Variants in ZFHX3 observed in about 807,000 individuals in gnomAD.
ZFHX3 encodes the protein zinc finger homeobox protein 3.
ZFHX3 carries 42 observed loss-of-function variants against 279.1 expected under a neutral mutation model. The observed-to-expected ratio is 0.15, with a 90% CI of 0.12 to 0.19. The LOEUF (loss-of-function observed/expected upper bound fraction) is 0.19, where lower values mean the gene tolerates loss of function less well. Ranked by LOEUF, ZFHX3 falls within the 10% of genes least tolerant of loss-of-function variation. The pLI is 1.00. For missense variants in ZFHX3, 4,981 were observed against 4,754.0 expected (o/e 1.05, Z -1.40); for synonymous variants, 2,293 against 1,957.8 (o/e 1.17, Z -4.52).
chr16:72,999,677 C>T (rs185174294), intron 1 of ZFHX3, among the ~76,000 whole-genome samples: 5 of 152,314 alleles, frequency 3.3e-5, no homozygotes, highest in South Asian at 2.1e-4. Context: ...CTATTGGGCA[C>T]GATACAAGTC....
At chr16:73,414,792 C>A (rs772814732) in intron 3 of ZFHX3, among the ~76,000 whole-genome samples, 1 of 152,138 alleles carries the variant, frequency 6.6e-6, no homozygotes, top group African/African-American at 2.4e-5. Context: ...GCTGTGATTG[C>A]GCCACCGCAC....
chr16:73,857,362 T>C (rs1034529172), intron 1 of ZFHX3, among the ~76,000 whole-genome samples: 9 of 152,180 alleles, frequency 5.9e-5, no homozygotes, highest in African/African-American at 2.2e-4. Context: ...TTTCCCTAAG[T>C]ATGTTTATCA....
intron 1 of ZFHX3, among the ~76,000 whole-genome samples, chr16:73,696,493 A>G (rs753027776): frequency 9.9e-5 from 15 of 152,240 alleles, no homozygotes; most frequent in Non-Finnish European, 2.1e-4. Flanking sequence ...ATTCTGAACC[A>G]AAGAGCCATA....
intron 3 of ZFHX3, among the ~76,000 whole-genome samples, chr16:73,325,926 C>A (rs112396824): frequency 4.7e-4 from 37 of 78,308 alleles, no homozygotes; most frequent in African/African-American, 1.2e-3. Context: ...CACACACACA[C>A]AAACACACAC....
At chr16:72,803,177 C>A (rs1236727660) in intron 7 of ZFHX3, among the ~76,000 whole-genome samples, 1 of 152,088 alleles carries the variant, frequency 6.6e-6, no homozygotes, top group African/African-American at 2.4e-5. Flanking sequence ...ACTATAAATA[C>A]AAAAATTAGC....
chr16:73,041,006 A>T (rs546039967), intron 1 of ZFHX3, among the ~76,000 whole-genome samples: 1 of 152,246 alleles, frequency 6.6e-6, no homozygotes, highest in Non-Finnish European at 1.5e-5. Context: ...CAGAGGAAAG[A>T]GCAGAGGCCA....
chr16:72,857,169 G>T (rs1023265170), intron 4 of ZFHX3, among the ~76,000 whole-genome samples: 4 of 152,202 alleles, frequency 2.6e-5, no homozygotes, highest in Admixed American at 2.6e-4. Flanking sequence ...CTCATACATT[G>T]CCTAGCACTG....
At chr16:73,072,164 A>G (rs549145229) in intron 8 of ZFHX3, among the ~76,000 whole-genome samples, 2 of 152,336 alleles carry the variant, frequency 1.3e-5, no homozygotes, top group East Asian at 1.9e-4. Flanking sequence ...AAAATCAGAA[A>G]TGTAGGCCAG....
intron 4 of ZFHX3, among the ~76,000 whole-genome samples, chr16:73,317,734 C>T (rs1045586453): frequency 2.0e-5 from 3 of 152,140 alleles, no homozygotes; most frequent in Non-Finnish European, 2.9e-5. Flanking sequence ...ATCAAATACT[C>T]ATCAAACGGC....
chr16:73,325,928 A>ACAAAAACACAC (rs1567451240), intron 3 of ZFHX3, among the ~76,000 whole-genome samples: 1,643 of 145,512 alleles, frequency 0.011, 17 homozygotes, highest in East Asian at 0.019. Flanking sequence ...CACACACACA[A>ACAAAAACACAC]ACACACACAC....
At chr16:73,128,004 A>G (rs1966601759) in intron 7 of ZFHX3, among the ~76,000 whole-genome samples, 1 of 152,176 alleles carries the variant, frequency 6.6e-6, no homozygotes, top group Non-Finnish European at 1.5e-5. Context: ...CCTGCATACT[A>G]GTGTTGATAT....
chr16:72,827,250 A>G (rs557284622), intron 5 of ZFHX3, among the ~76,000 whole-genome samples: 2 of 152,224 alleles, frequency 1.3e-5, no homozygotes, highest in Non-Finnish European at 2.9e-5. Context: ...AACTGCTACC[A>G]GTTTTCCTCA....
chr16:73,483,143 C>G (rs1262644577), intron 2 of ZFHX3, among the ~76,000 whole-genome samples: 1 of 152,166 alleles, frequency 6.6e-6, no homozygotes, highest in Non-Finnish European at 1.5e-5. Context: ...GGTCTGGGGG[C>G]TGGCTGTGCA....
upstream of ZFHX3, among the ~76,000 whole-genome samples, chr16:73,062,655 A>T (rs1056063486): frequency 1.3e-5 from 2 of 151,874 alleles, no homozygotes; most frequent in African/African-American, 4.8e-5. Flanking sequence ...AGGAGATCTC[A>T]CTTGGAAAAA....
At chr16:73,195,263 A>G (rs1327083205) in intron 5 of ZFHX3, among the ~76,000 whole-genome samples, 1 of 152,152 alleles carries the variant, frequency 6.6e-6, no homozygotes, top group Non-Finnish European at 1.5e-5. Flanking sequence ...TGTTTTTTCT[A>G]TTAAGGGCTG....
chr16:73,421,831 A>C (rs1035041813), intron 3 of ZFHX3, among the ~76,000 whole-genome samples: 2 of 152,196 alleles, frequency 1.3e-5, no homozygotes, highest in African/African-American at 4.8e-5. Flanking sequence ...ACACATGCCC[A>C]GGACAAAACT....
chr16:73,541,971 T>C (rs1199523249), intron 2 of ZFHX3, among the ~76,000 whole-genome samples: 2 of 151,700 alleles, frequency 1.3e-5, no homozygotes, highest in Non-Finnish European at 1.5e-5. Flanking sequence ...CTGGCTAATT[T>C]TTGTATTTTT....
intron 2 of ZFHX3, among the ~76,000 whole-genome samples, chr16:73,667,988 G>A (rs926764099): frequency 2.0e-5 from 3 of 152,128 alleles, no homozygotes; most frequent in African/African-American, 7.2e-5. Context: ...CTCATTTAAA[G>A]CTTCATTACA....
chr16:73,251,860 ACACGCACACACCATG>A (rs2013507690), intron 5 of ZFHX3, among the ~76,000 whole-genome samples: 1 of 144,476 alleles, frequency 6.9e-6, no homozygotes. Flanking sequence ...CACACCGCAC[ACACGCACACACCATG>A]CACACACACC....
Sources: gnomAD v4.1 joint callset for allele counts (sites outside exome capture counted in the v4.1 genomes callset) on GRCh38, gnomAD v4.1.1 for gene constraint, MANE v1.5 for transcripts, NCBI Gene and HGNC (gene_info 2026-07-23, HGNC 2026-07-21) for gene names.